Variants in PSD3 observed in about 807,000 individuals in gnomAD.
PSD3 encodes the protein pleckstrin and Sec7 domain containing 3, also known as PH and SEC7 domain-containing protein 3.
A neutral mutation model predicts 105.5 loss-of-function variants in PSD3; 49 were observed. The ratio of observed to expected loss-of-function variants is 0.46; its 90% CI spans 0.37 to 0.59. The LOEUF is 0.59. Among genes scored for constraint, PSD3 ranks in the 20% least tolerant of loss-of-function variants. PSD3 has a pLI of 0.00. For missense variants in PSD3, 1,561 were observed against 1,263.8 expected (o/e 1.24, Z -3.57); for synonymous variants, 557 against 457.8 (o/e 1.22, Z -2.77).
intron 1 of PSD3, among the ~76,000 whole-genome samples, chr8:18,983,106 AT>A (rs1195571826): frequency 2.0e-5 from 3 of 152,226 alleles, no homozygotes; most frequent in Non-Finnish European, 4.4e-5. Context: ...TACATGAGCA[AT>A]TGCTGCTTCA....
chr8:18,825,961 G>C (rs1326267709), intron 4 of PSD3, among the ~76,000 whole-genome samples: 1 of 152,200 alleles, frequency 6.6e-6, no homozygotes, highest in Non-Finnish European at 1.5e-5. Flanking sequence ...TTCTGGGTGT[G>C]TTTGTGAGGC....
intron 1 of PSD3, among the ~76,000 whole-genome samples, chr8:19,079,316 T>C (rs1829566436): frequency 6.6e-6 from 1 of 152,230 alleles, no homozygotes; most frequent in South Asian, 2.1e-4. Context: ...ATCCCATCAA[T>C]ACTGACTCCT....
At chr8:18,736,705 G>C (rs904111429) in intron 9 of PSD3, among the ~76,000 whole-genome samples, 13 of 152,136 alleles carry the variant, frequency 8.5e-5, no homozygotes, top group African/African-American at 3.1e-4. Flanking sequence ...AAAAACAAGA[G>C]ATGAAAAAAA....
chr8:18,553,332 C>T (rs1800887894), intron 15 of PSD3, among the ~76,000 whole-genome samples: 1 of 146,948 alleles, frequency 6.8e-6, no homozygotes, highest in South Asian at 2.2e-4. Flanking sequence ...TCTGTGGGCT[C>T]CCACTGAACT....
chr8:18,922,259 A>G (rs1821070958), intron 2 of PSD3, among the ~76,000 whole-genome samples: 1 of 152,298 alleles, frequency 6.6e-6, no homozygotes, highest in South Asian at 2.1e-4. Context: ...ACGGAACCCA[A>G]AGAGTTCTGT....
At chr8:18,639,707 G>A (rs1308851645) in intron 10 of PSD3, among the ~76,000 whole-genome samples, 2 of 152,136 alleles carry the variant, frequency 1.3e-5, no homozygotes, top group Non-Finnish European at 2.9e-5. Flanking sequence ...CTTGATCTCA[G>A]TGATCAAGAA....
At chr8:18,825,422 G>C (rs1386262081) in intron 4 of PSD3, among the ~76,000 whole-genome samples, 1 of 152,162 alleles carries the variant, frequency 6.6e-6, no homozygotes, top group Non-Finnish European at 1.5e-5. Context: ...CCCGGTTTGA[G>C]AATCACAAAT....
chr8:18,678,322 G>C (rs984669664), intron 9 of PSD3, among the ~76,000 whole-genome samples: 5 of 152,096 alleles, frequency 3.3e-5, no homozygotes, highest in African/African-American at 9.7e-5. Context: ...GGTACCTCTG[G>C]CATTTTAAAT....
chr8:18,704,203 G>A lies in PSD3; in HGVS notation c.2173-48518C>T, dbSNP rs551158505. Reference sequence around the variant, plus strand: ...CCATAGCTTCACACAACCCTTTACTGAAATAAGAATGTGCTTTACTCTGGA... The same window carrying A: ...CCATAGCTTCACACAACCCTTTACTAAAATAAGAATGTGCTTTACTCTGGA... On this transcript the variant is annotated intron_variant, in intron 9 of 15. Transcript: ENST00000327040. Among the ~76,000 whole-genome samples, 6 of 152,212 alleles carry A rather than the reference G, an allele frequency of 3.9e-5. No individual in the cohort carries two copies. The South Asian group carries it at 1.2e-3, about 32-fold the overall frequency.
intron 12 of PSD3, among the ~76,000 whole-genome samples, chr8:18,587,823 T>C (rs1397564323): frequency 2.0e-5 from 3 of 152,322 alleles, no homozygotes; most frequent in Admixed American, 2.0e-4. Context: ...GCACAGTACC[T>C]GATGTGATAA....
intron 9 of PSD3, among the ~76,000 whole-genome samples, chr8:18,727,583 C>CACACACAT (rs397816003): frequency 2.7e-5 from 4 of 147,588 alleles, no homozygotes; most frequent in African/African-American, 1.0e-4. Context: ...CACACACACA[C>CACACACAT]GCACGCACAC....
At chr8:19,077,507 T>C (rs1255397170) in intron 1 of PSD3, among the ~76,000 whole-genome samples, 1 of 152,194 alleles carries the variant, frequency 6.6e-6, no homozygotes, top group African/African-American at 2.4e-5. Context: ...CCTGCCATTA[T>C]CTGACAACGT....
intron 2 of PSD3, among the ~76,000 whole-genome samples, chr8:18,916,841 T>C (rs1164428948): frequency 6.6e-6 from 1 of 151,954 alleles, no homozygotes; most frequent in South Asian, 2.1e-4. Context: ...ATGCCATAAA[T>C]CTATATAATT....
At chr8:18,614,493 T>C (rs1805509947) in intron 11 of PSD3, among the ~76,000 whole-genome samples, 1 of 151,848 alleles carries the variant, frequency 6.6e-6, no homozygotes, top group Non-Finnish European at 1.5e-5. Flanking sequence ...AAAACTGTGG[T>C]CGATTATTCC....
intron 11 of PSD3, among the ~76,000 whole-genome samples, chr8:18,613,216 G>A (rs1805401942): frequency 6.6e-6 from 1 of 152,096 alleles, no homozygotes; most frequent in Admixed American, 6.5e-5. Flanking sequence ...AACAGCATGA[G>A]GGATGAAAAA....
intron 9 of PSD3, among the ~76,000 whole-genome samples, chr8:18,667,671 T>C (rs1418940701): frequency 6.6e-6 from 1 of 152,216 alleles, no homozygotes; most frequent in Non-Finnish European, 1.5e-5. Context: ...AGTCCCGCCG[T>C]GTGCCTGCAC....
At chr8:18,704,603 G>C (rs942137916) in intron 9 of PSD3, among the ~76,000 whole-genome samples, 15 of 152,194 alleles carry the variant, frequency 9.9e-5, no homozygotes, top group African/African-American at 3.6e-4. Context: ...GCCTCACAAA[G>C]TGTTGGGATT....
chr8:18,785,055 A>T (rs1260601154), intron 8 of PSD3, among the ~76,000 whole-genome samples: 1 of 152,130 alleles, frequency 6.6e-6, no homozygotes, highest in Non-Finnish European at 1.5e-5. Context: ...GGCTTGCCTC[A>T]TTAGAATAAA....
chr8:18,527,844 G>A lies in PSD3; in HGVS notation c.*7899C>T, dbSNP rs1177253019. 3 of 152,286 alleles carry A rather than the reference G, an allele frequency of 2.0e-5. No homozygotes were observed. Among genetic ancestry groups the A allele is most frequent in the African/African-American group, 4.8e-5 (2 of 41,422 alleles). 9.4% of individuals were successfully genotyped at this position (152,286 alleles called of 1,614,324 possible). A position where few individuals can be genotyped will look rare whatever the true frequency, so the allele number is the denominator to read the frequency against. On this transcript the variant is annotated 3_prime_UTR_variant, in exon 16 of 16. Coordinates refer to ENST00000327040, the MANE Select transcript of PSD3 (RefSeq NM_015310.4). ...CAGCTTACCCAAAACTGCTAATGCC[G>A]ACAGTTTCGCCATTGAAAAGGAGCA...
Sources: allele counts gnomAD v4.1 joint callset (sites outside exome capture counted in the v4.1 genomes callset), GRCh38; gene constraint gnomAD v4.1.1; transcripts MANE v1.5; gene names NCBI Gene and HGNC (gene_info 2026-07-23, HGNC 2026-07-21).